ALK: variants seen among roughly 807,000 people sequenced by gnomAD.
ALK encodes ALK tyrosine kinase receptor.
A neutral mutation model predicts 163.1 loss-of-function variants in ALK; 74 were observed. The observed-to-expected ratio is 0.45, with a 90% CI of 0.38 to 0.55. The LOEUF is 0.55. Among genes scored for constraint, ALK ranks in the 20% least tolerant of loss-of-function variants. The pLI is 0.00. For missense variants in ALK, 2,063 were observed against 2,105.3 expected (o/e 0.98, Z 0.39); for synonymous variants, 960 against 843.2 (o/e 1.14, Z -2.40).
At chr2:29,755,087 C>T (rs891495287) in intron 1 of ALK, among the ~76,000 whole-genome samples, 18 of 152,010 alleles carry the variant, frequency 1.2e-4, no homozygotes, top group African/African-American at 4.3e-4. Flanking sequence ...CTAAGGGTAC[C>T]AACTCTGGGA....
intron 3 of ALK, among the ~76,000 whole-genome samples, chr2:29,678,781 A>G (rs1677970718): frequency 6.6e-6 from 1 of 151,654 alleles, no homozygotes; most frequent in African/African-American, 2.4e-5. Context: ...TATATAAATT[A>G]ATGACTTTCT....
At chr2:29,391,265 C>G (rs1413747655) in intron 4 of ALK, among the ~76,000 whole-genome samples, 2 of 145,496 alleles carry the variant, frequency 1.4e-5, no homozygotes, top group Non-Finnish European at 3.0e-5. Context: ...ACAAAGACAA[C>G]ATAAATGGTC....
chr2:29,279,604 T>A (rs1665655224), intron 9 of ALK, among the ~76,000 whole-genome samples: 1 of 152,100 alleles, frequency 6.6e-6, no homozygotes, highest in African/African-American at 2.4e-5. Flanking sequence ...AGAGTGGGCA[T>A]CAGGACCACC....
At chr2:29,854,749 A>G (rs924622712) in intron 1 of ALK, among the ~76,000 whole-genome samples, 2 of 152,210 alleles carry the variant, frequency 1.3e-5, no homozygotes, top group African/African-American at 4.8e-5. Flanking sequence ...GCCTTATAAT[A>G]AAGCCCTAAT....
intron 3 of ALK, among the ~76,000 whole-genome samples, chr2:29,647,314 C>T (rs570210917): frequency 6.6e-6 from 1 of 152,266 alleles, no homozygotes; most frequent in South Asian, 2.1e-4. Flanking sequence ...TCTGGGCATT[C>T]AGTTAGGAGC....
chr2:29,538,946 A>T (rs571337487), intron 3 of ALK, among the ~76,000 whole-genome samples: 16 of 152,264 alleles, frequency 1.1e-4, no homozygotes, highest in African/African-American at 3.9e-4. Flanking sequence ...TGATATATTT[A>T]TGACTTCTTC....
rs193032862 is a variant in ALK, at chr2:29,585,754, T to A, written c.953-53638A>T. Among the ~76,000 whole-genome samples the A allele has an allele frequency of 7.2e-5, 11 of 152,260 alleles. No individual in the cohort carries two copies. In the East Asian group the frequency reaches 2.1e-3, roughly 29 times the overall value. Reference sequence around the variant, plus strand: ...TCTCTATATTTACCATTTTCTCATTTGGGGGCTTTTAGCATCTTCTCAGGG... The same window carrying A: ...TCTCTATATTTACCATTTTCTCATTAGGGGGCTTTTAGCATCTTCTCAGGG... On this transcript the variant is annotated intron_variant, in intron 3 of 28. Coordinates refer to ENST00000389048, the MANE Select transcript of ALK (RefSeq NM_004304.5).
At chr2:29,205,474 AT>A (rs1669288128) in intron 26 of ALK, among the ~76,000 whole-genome samples, 1 of 152,206 alleles carries the variant, frequency 6.6e-6, no homozygotes, top group Admixed American at 6.5e-5. Context: ...ACATAAGTTC[AT>A]TCTCTGACAG....
intron 9 of ALK, among the ~76,000 whole-genome samples, chr2:29,278,878 C>T (rs1032363500): frequency 6.6e-6 from 1 of 152,178 alleles, no homozygotes; most frequent in African/African-American, 2.4e-5. Context: ...TTCACAGGAC[C>T]AGGGGCCAAG....
chr2:29,884,122 A>T (rs1025875477), intron 1 of ALK, among the ~76,000 whole-genome samples: 9 of 152,024 alleles, frequency 5.9e-5, no homozygotes. Flanking sequence ...TTTCATAACC[A>T]CCTGTTACTA....
At chr2:29,848,525 T>C (rs1295664351) in intron 1 of ALK, among the ~76,000 whole-genome samples, 1 of 152,218 alleles carries the variant, frequency 6.6e-6, no homozygotes, top group Non-Finnish European at 1.5e-5. Context: ...TGCAGGGCTT[T>C]TCGCATAGTG....
chr2:29,376,995 T>A (rs935740634), intron 5 of ALK, among the ~76,000 whole-genome samples: 4 of 152,230 alleles, frequency 2.6e-5, no homozygotes, highest in African/African-American at 9.7e-5. Context: ...TAGCTACATA[T>A]CCAGCACCTC....
chr2:29,864,456 AT>A (rs1666374438), intron 1 of ALK, among the ~76,000 whole-genome samples: 1 of 151,910 alleles, frequency 6.6e-6, no homozygotes. Context: ...ACAACATACA[AT>A]TTTTGCTTTT....
At chr2:29,556,763 C>T (rs1218826732) in intron 3 of ALK, among the ~76,000 whole-genome samples, 1 of 152,218 alleles carries the variant, frequency 6.6e-6, no homozygotes. Context: ...CAGGTATATA[C>T]TGATGACATT....
chr2:29,747,528 T>C (rs1369696436), intron 1 of ALK, among the ~76,000 whole-genome samples: 1 of 152,220 alleles, frequency 6.6e-6, no homozygotes, highest in East Asian at 1.9e-4. Flanking sequence ...CTGATGTCTC[T>C]GTCTCCCTTC....
intron 1 of ALK, among the ~76,000 whole-genome samples, chr2:29,858,196 T>C (rs1386287092): frequency 1.3e-5 from 2 of 152,164 alleles, no homozygotes; most frequent in African/African-American, 4.8e-5. Context: ...TGCCCCTGTA[T>C]AACCACACCT....
chr2:29,704,820 C>A (rs1458017042), intron 2 of ALK, among the ~76,000 whole-genome samples: 2 of 152,128 alleles, frequency 1.3e-5, no homozygotes, highest in African/African-American at 4.8e-5. Flanking sequence ...CTAGAGAATT[C>A]TTAGGAAGCC....
intron 3 of ALK, among the ~76,000 whole-genome samples, chr2:29,669,401 T>C (rs1677615617): frequency 6.6e-6 from 1 of 152,128 alleles, no homozygotes; most frequent in Non-Finnish European, 1.5e-5. Flanking sequence ...TTTTACCTGA[T>C]ATAAATATAG....
At chr2:29,406,835 G>T (rs1234722495) in intron 4 of ALK, among the ~76,000 whole-genome samples, 1 of 149,110 alleles carries the variant, frequency 6.7e-6, no homozygotes, top group African/African-American at 2.5e-5. Context: ...GGAGGTGGAG[G>T]TTGCAGTGAG....
Sources: gnomAD v4.1 joint callset for allele counts (sites outside exome capture counted in the v4.1 genomes callset) on GRCh38, gnomAD v4.1.1 for gene constraint, MANE v1.5 for transcripts, NCBI Gene and HGNC (gene_info 2026-07-23, HGNC 2026-07-21) for gene names.